Variants in MDGA2 observed in about 807,000 individuals in gnomAD.
The protein encoded by MDGA2 is MAM domain-containing glycosylphosphatidylinositol anchor protein 2.
Under a neutral mutation model 117.8 loss-of-function variants are expected in MDGA2, and 40 were observed. The ratio of observed to expected loss-of-function variants is 0.34; its 90% CI spans 0.26 to 0.44. The LOEUF is 0.44. MDGA2 is among the 20% of genes least tolerant of loss of function. The pLI is 1.00. For synonymous variants in MDGA2, 452 were observed against 439.0 expected (o/e 1.03, Z -0.37); for missense variants, 1,123 against 1,250.6 (o/e 0.90, Z 1.54).
intron 2 of MDGA2, among the ~76,000 whole-genome samples, chr14:47,286,822 T>TATATATAC (rs1555370153): frequency 8.5e-6 from 1 of 117,992 alleles, no homozygotes; most frequent in East Asian, 2.4e-4. Context: ...TATATATATA[T>TATATATAC]ATACATATAT....
intron 15 of MDGA2, among the ~76,000 whole-genome samples, chr14:46,851,426 C>T (rs577929039): frequency 5.3e-5 from 8 of 151,880 alleles, no homozygotes; most frequent in Middle Eastern, 3.4e-3. Context: ...CTGTTTTCAT[C>T]CCAAGCACTG....
chr14:47,554,944 A>G (rs570557406), intron 1 of MDGA2, among the ~76,000 whole-genome samples: 1 of 152,298 alleles, frequency 6.6e-6, no homozygotes, highest in African/African-American at 2.4e-5. Flanking sequence ...GAGTTACAGA[A>G]TAAGGCAAAG....
At chr14:47,355,214 C>G (rs1890967306) in intron 1 of MDGA2, among the ~76,000 whole-genome samples, 1 of 152,022 alleles carries the variant, frequency 6.6e-6, no homozygotes, top group South Asian at 2.1e-4. Flanking sequence ...TAGCCAATAC[C>G]TTTTTACTTA....
intron 3 of MDGA2, among the ~76,000 whole-genome samples, chr14:47,162,934 T>C (rs1883704312): frequency 6.6e-6 from 1 of 152,246 alleles, no homozygotes; most frequent in African/African-American, 2.4e-5. Context: ...CGAATGAATG[T>C]ACCTGACAAA....
At chr14:47,391,478 T>C (rs943384884) in intron 1 of MDGA2, among the ~76,000 whole-genome samples, 1 of 152,200 alleles carries the variant, frequency 6.6e-6, no homozygotes, top group Non-Finnish European at 1.5e-5. Flanking sequence ...CACAATATAA[T>C]GGCAGCCATT....
At chr14:47,554,400 T>G (rs1895645692) in intron 1 of MDGA2, among the ~76,000 whole-genome samples, 1 of 152,232 alleles carries the variant, frequency 6.6e-6, no homozygotes, top group Non-Finnish European at 1.5e-5. Context: ...AAAAATTATC[T>G]TGTCTTCAGA....
intron 10 of MDGA2, among the ~76,000 whole-genome samples, chr14:46,909,355 T>C (rs144831389): frequency 2.7e-4 from 41 of 152,314 alleles, no homozygotes; most frequent in Middle Eastern, 6.8e-3. Flanking sequence ...TTGGTTCTTT[T>C]ATTTCTTACA....
chr14:47,068,418 AT>A (rs958077352), intron 6 of MDGA2, among the ~76,000 whole-genome samples: 46 of 111,010 alleles, frequency 4.1e-4, no homozygotes, highest in South Asian at 1.3e-3. Flanking sequence ...GAAAAAAAAA[AT>A]ATATATATAT....
chr14:47,159,598 C>G (rs1444036306), intron 3 of MDGA2, among the ~76,000 whole-genome samples: 1 of 152,168 alleles, frequency 6.6e-6, no homozygotes, highest in African/African-American at 2.4e-5. Flanking sequence ...TATTCTTCTT[C>G]CTGAATTTCA....
chr14:47,095,607 TATAAA>T (rs909954355), intron 6 of MDGA2, among the ~76,000 whole-genome samples: 4 of 151,928 alleles, frequency 2.6e-5, no homozygotes, highest in African/African-American at 9.7e-5. Context: ...TGTTTTGATA[TATAAA>T]ATAATCATAC....
intron 7 of MDGA2, among the ~76,000 whole-genome samples, chr14:47,051,902 A>C (rs770092428): frequency 1.4e-4 from 21 of 151,948 alleles, no homozygotes; most frequent in Non-Finnish European, 2.9e-4. Flanking sequence ...ATTAGTAGTG[A>C]ACATACCATT....
chr14:47,202,330 T>G (rs1011250928), intron 3 of MDGA2, among the ~76,000 whole-genome samples: 4 of 152,208 alleles, frequency 2.6e-5, no homozygotes, highest in Non-Finnish European at 1.5e-5. Context: ...ATAAACCTAG[T>G]AAAAGGTGGA....
At chr14:46,936,846 A>G (rs1256797168) in intron 9 of MDGA2, among the ~76,000 whole-genome samples, 3 of 152,140 alleles carry the variant, frequency 2.0e-5, no homozygotes, top group Non-Finnish European at 4.4e-5. Context: ...ATACTGAATG[A>G]AGAAAAGCTA....
chr14:47,167,692 G>C (rs1883941475), intron 3 of MDGA2, among the ~76,000 whole-genome samples: 1 of 152,026 alleles, frequency 6.6e-6, no homozygotes, highest in Non-Finnish European at 1.5e-5. Context: ...AAACATCTCA[G>C]GGAGTTATCG....
At chr14:47,615,535 T>C (rs1896932586) in intron 1 of MDGA2, among the ~76,000 whole-genome samples, 1 of 152,216 alleles carries the variant, frequency 6.6e-6, no homozygotes, top group South Asian at 2.1e-4. Flanking sequence ...CTAAGTAGAA[T>C]AGTAACTGGG....
At chr14:47,390,860 A>T (rs1324498893) in intron 1 of MDGA2, among the ~76,000 whole-genome samples, 1 of 151,900 alleles carries the variant, frequency 6.6e-6, no homozygotes, top group African/African-American at 2.4e-5. Flanking sequence ...ATTTCTCTAA[A>T]TGTTTCTTCT....
At chr14:47,241,010 G>A (rs990132443) in intron 2 of MDGA2, among the ~76,000 whole-genome samples, 2 of 151,842 alleles carry the variant, frequency 1.3e-5, no homozygotes, top group Non-Finnish European at 2.9e-5. Flanking sequence ...TTATTTGAAG[G>A]AAACTTGCTC....
Position 47,061,281 on chromosome 14 carries a change from A to G in MDGA2, c.1493T>C (p.Ile498Thr), listed in dbSNP as rs777357073. 5 of 1,613,354 alleles carry G rather than the reference A, an allele frequency of 3.1e-6. No homozygotes were observed. The highest frequency in any genetic ancestry group is 4.2e-6 in the Non-Finnish European group (5 of 1,179,504). ...ASLKGGGISDISIDVNISSST... is the reference protein window; with the variant it reads ...ASLKGGGISDTSIDVNISSST... ...GCTGGATATATTAACATCGATACTG[A>G]TATCAGATATTCCTCCTCCCTTCAG... is the stretch of plus-strand genomic sequence containing the variant. The change falls in exon 7 of 17, where the codon ATC (isoleucine) becomes ACC (threonine). Residue 498 changes from isoleucine to threonine, a missense_variant. Coordinates refer to ENST00000399232, the MANE Select transcript of MDGA2 (RefSeq NM_001113498.3).
chr14:47,462,422 C>T (rs1893510527), intron 1 of MDGA2, among the ~76,000 whole-genome samples: 1 of 149,130 alleles, frequency 6.7e-6, no homozygotes, highest in Non-Finnish European at 1.5e-5. Context: ...CTCAATACAA[C>T]TAGTGATTAT....
Sources: allele counts gnomAD v4.1 joint callset (sites outside exome capture counted in the v4.1 genomes callset), GRCh38; gene constraint gnomAD v4.1.1; transcripts MANE v1.5; gene names NCBI Gene and HGNC (gene_info 2026-07-23, HGNC 2026-07-21).